Variants in TOMM70 observed in about 807,000 individuals in gnomAD.
TOMM70 encodes mitochondrial import receptor subunit TOM70.
In TOMM70, 13 loss-of-function variants were observed where a neutral mutation model predicts 73.6. That is an observed-to-expected ratio of 0.18 (90% CI 0.11 to 0.28). The LOEUF (loss-of-function observed/expected upper bound fraction) is 0.28, where lower values mean the gene tolerates loss of function less well. Ranked by LOEUF, TOMM70 falls within the 10% of genes least tolerant of loss-of-function variation. The pLI, the probability that TOMM70 is intolerant of heterozygous loss-of-function variation, is 1.00. For missense variants in TOMM70, 609 were observed against 747.5 expected (o/e 0.81, Z 2.16); for synonymous variants, 257 against 271.2 (o/e 0.95, Z 0.51).
chr3:100,367,986 C>A, intron 11 of TOMM70, 58 bp downstream of exon 11: 1 of 1,550,902 alleles, frequency 6.4e-7, no homozygotes, highest in African/African-American at 1.4e-5. Context: ...GTAATAAGAA[C>A]AAAAAGCTAA....
At chr3:100,392,878 T>C (rs574118019) in intron 1 of TOMM70, among the ~76,000 whole-genome samples, 1 of 152,178 alleles carries the variant, frequency 6.6e-6, no homozygotes, top group African/African-American at 2.4e-5. Flanking sequence ...AATTCACCAT[T>C]GCAAAGATAT....
At chr3:100,367,958 A>G (rs1269392571) in intron 11 of TOMM70, 86 bp downstream of exon 11, 41 of 1,369,320 alleles carry the variant, frequency 3.0e-5, no homozygotes, top group Non-Finnish European at 4.0e-5. Context: ...AAAGAACATA[A>G]CAGACTTTAA....
intron 9 of TOMM70, 55 bp downstream of exon 9, chr3:100,372,551 C>G: frequency 7.4e-7 from 1 of 1,358,364 alleles, no homozygotes; most frequent in Non-Finnish European, 1.0e-6. Context: ...GATTTCCATA[C>G]TGAGATTTGG....
chr3:100,377,764 C>T lies in TOMM70; in HGVS notation c.1033G>A (p.Ala345Thr). The part of the protein sequence containing the change: ...RATFYLLIGN[A>T]NAAKPDLDKV... ...TCTAAATCTGGTTTGGCTGCATTGG[C>T]ATTGCCAATAAGCAGGTAGAAGGTA... Residue 345 changes from alanine to threonine, a missense_variant, in exon 6 of 12, where the codon GCC (alanine) becomes ACC (threonine). Ala to Thr is a moderately conservative substitution (Grantham distance 58, BLOSUM62 0). Coordinates refer to ENST00000284320, the MANE Select transcript of TOMM70 (RefSeq NM_014820.5). The T allele has an allele frequency of 6.2e-7, 1 of 1,614,188 alleles. No individual in the cohort carries two copies. The highest frequency in any genetic ancestry group is 8.5e-7 in the Non-Finnish European group (1 of 1,180,032).
intron 4 of TOMM70, among the ~76,000 whole-genome samples, chr3:100,381,989 TG>T (rs1706639749): frequency 6.6e-6 from 1 of 152,202 alleles, no homozygotes; most frequent in Admixed American, 6.5e-5. Context: ...TCTACAAAGA[TG>T]TAAGACCACA....
intron 1 of TOMM70, among the ~76,000 whole-genome samples, chr3:100,394,974 T>G: frequency 6.6e-6 from 1 of 152,230 alleles, no homozygotes; most frequent in East Asian, 1.9e-4. Context: ...ATAATAACTC[T>G]TTACCTAGGA....
chr3:100,394,160 C>T lies in TOMM70; in HGVS notation c.324+6466G>A, dbSNP rs1398355687. Among the ~76,000 whole-genome samples the T allele has an allele frequency of 3.3e-5, 5 of 152,050 alleles. No individual in the cohort carries two copies. In the East Asian group the frequency reaches 9.6e-4, roughly 29 times the overall value. On this transcript the variant is annotated intron_variant, in intron 1 of 11. Transcript: ENST00000284320. ...AATAAAATGGGTATTAATTTGTCAC[C>T]ATGATGACACACTTATACCCAGTTA... is the stretch of plus-strand genomic sequence containing the variant.
chr3:100,385,143 A>G (rs779835823), intron 3 of TOMM70, among the ~76,000 whole-genome samples: 62 of 152,174 alleles, frequency 4.1e-4, no homozygotes, highest in Non-Finnish European at 7.3e-4. Context: ...TCCCGAATTA[A>G]ATTTCTTGCA....
At chr3:100,387,108 A>G (rs1202278997) in intron 1 of TOMM70, 130 bp from the exon 2 acceptor site, 4 of 914,216 alleles carry the variant, frequency 4.4e-6, no homozygotes, top group East Asian at 5.2e-5. Context: ...CTTCATACAA[A>G]TATCTTCATG....
At chr3:100,395,345 G>A (rs1706811141) in intron 1 of TOMM70, among the ~76,000 whole-genome samples, 1 of 151,930 alleles carries the variant, frequency 6.6e-6, no homozygotes, top group Admixed American at 6.6e-5. Context: ...CTCCAGCCTG[G>A]GCAACAGAGT....
chr3:100,365,615 A>T lies in TOMM70; in HGVS notation c.1776T>A (p.His592Gln), dbSNP rs750397348. The T allele has an allele frequency of 2.5e-6, 4 of 1,614,214 alleles. No homozygotes were observed. In the Admixed American group the frequency reaches 6.7e-5, roughly 27 times the overall value. ...ATTTCTTTGCAACTTCTGTCTGGGC[A>T]TGGGCGGCATCGCAAAGTGAATACA... Reference protein sequence around the residue: ...AHLYSLCDAAHAQTEVAKKYG... With the variant: ...AHLYSLCDAAQAQTEVAKKYG... Residue 592 changes from histidine (H) to glutamine (Q), a missense_variant, in exon 12 of 12, where the codon CAT becomes CAA. This residue lies in a region of TOMM70 where 432 missense variants were observed against 584.1 expected (regional missense o/e 0.74). Coordinates refer to ENST00000284320, the MANE Select transcript of TOMM70 (RefSeq NM_014820.5).
At chr3:100,375,974 T>C (rs1576212170) in intron 6 of TOMM70, among the ~76,000 whole-genome samples, 1 of 152,294 alleles carries the variant, frequency 6.6e-6, no homozygotes, top group Non-Finnish European at 1.5e-5. Flanking sequence ...TGTATTAATA[T>C]ATTTCCACCA....
chr3:100,384,457 T>G (rs1185926092), intron 4 of TOMM70, 22 bp downstream of exon 4: 1 of 1,547,292 alleles, frequency 6.5e-7, no homozygotes, highest in Non-Finnish European at 8.8e-7. Flanking sequence ...ACTCCCCCAT[T>G]CCCCAAATCA....
chr3:100,366,859 T>G (rs1434899543), intron 11 of TOMM70, among the ~76,000 whole-genome samples: 1 of 152,282 alleles, frequency 6.6e-6, no homozygotes, highest in Admixed American at 6.5e-5. Context: ...CAAAAAAGAT[T>G]AAGAACTACC....
intron 1 of TOMM70, among the ~76,000 whole-genome samples, chr3:100,391,072 C>T (rs952697818): frequency 5.3e-5 from 8 of 151,902 alleles, no homozygotes; most frequent in Non-Finnish European, 1.0e-4. Flanking sequence ...ACCTGGGAGG[C>T]GGCGCTTGCA....
chr3:100,373,142 TAAAAAA>T (rs58081220), intron 8 of TOMM70, among the ~76,000 whole-genome samples: 1 of 135,024 alleles, frequency 7.4e-6, no homozygotes, highest in Non-Finnish European at 1.6e-5. Context: ...AATTTTTACT[TAAAAAA>T]AAAAAAAAAA....
rs116049035 is a variant in TOMM70, at chr3:100,379,183, T to C, written c.885-1271A>G. Among the ~76,000 whole-genome samples, 616 of 144,996 alleles carry C rather than the reference T, an allele frequency of 4.2e-3. 3 individuals are homozygous for C. Among genetic ancestry groups the C allele is most frequent in the South Asian group, 9.2e-3 (39 of 4,224 alleles). The stretch of plus-strand genomic sequence containing the variant: ...AAGATGATGACTTTTATGGAGATGC[T>C]TGTAGAAGTAATTTTTTTTAACTGA... On this transcript the variant is annotated intron_variant, in intron 5 of 11. Transcript: ENST00000284320.
chr3:100,363,481 T>C lies in TOMM70; in HGVS notation c.*2083A>G, dbSNP rs545519790. 1 of 152,786 alleles carries C rather than the reference T, an allele frequency of 6.5e-6. No homozygotes were observed. Among genetic ancestry groups the C allele is most frequent in the South Asian group, 2.1e-4 (1 of 4,832 alleles). 9.5% of individuals were successfully genotyped at this position (152,786 alleles called of 1,614,324 possible). ...GAAGAGCTTGAATGTAATATTTATTTGGTGAATTTACATGTGAGGTCATTT... is the reference window on the plus strand; with the variant it reads ...GAAGAGCTTGAATGTAATATTTATTCGGTGAATTTACATGTGAGGTCATTT... On this transcript the variant is annotated 3_prime_UTR_variant, in exon 12 of 12. Coordinates refer to ENST00000284320, the MANE Select transcript of TOMM70 (RefSeq NM_014820.5).
At chr3:100,380,728 C>T (rs184668217) in intron 5 of TOMM70, among the ~76,000 whole-genome samples, 1 of 152,128 alleles carries the variant, frequency 6.6e-6, no homozygotes. Flanking sequence ...ACATTTAATT[C>T]CCAACTACAA....
Sources: allele counts gnomAD v4.1 joint callset (sites outside exome capture counted in the v4.1 genomes callset), GRCh38; gene constraint gnomAD v4.1.1; regional missense constraint gnomAD v4.1.1; transcripts MANE v1.5; gene names NCBI Gene and HGNC (gene_info 2026-07-23, HGNC 2026-07-21).